The following ZMAT2 variants were observed in gnomAD, a reference collection of about 807,000 sequenced individuals.
ZMAT2 encodes zinc finger matrin-type 2, also known as zinc finger matrin-type protein 2.
A neutral mutation model predicts 27.5 loss-of-function variants in ZMAT2; 5 were observed. The observed-to-expected ratio is 0.18, with a 90% CI of 0.10 to 0.38. ZMAT2 has a LOEUF of 0.38. Among genes scored for constraint, ZMAT2 ranks in the 10% least tolerant of loss-of-function variants. The pLI, the probability that ZMAT2 is intolerant of heterozygous loss-of-function variation, is 1.00. For missense variants in ZMAT2, 124 were observed against 243.9 expected (o/e 0.51, Z 3.27); for synonymous variants, 76 against 78.6 (o/e 0.97, Z 0.17).
intron 4 of ZMAT2, 102 bp downstream of exon 4, chr5:140,704,093 G>A (rs1264720018): frequency 5.4e-6 from 6 of 1,103,040 alleles, no homozygotes; most frequent in African/African-American, 1.6e-5. Flanking sequence ...CTCATCAAAA[G>A]ATGGCTGGAG....
chr5:140,704,279 TG>T, intron 4 of ZMAT2, 146 bp from the exon 5 acceptor site: 1 of 1,140,714 alleles, frequency 8.8e-7, no homozygotes, highest in Non-Finnish European at 1.2e-6. Context: ...GTGCTGCTCC[TG>T]GACCCAGCTG....
intron 5 of ZMAT2, among the ~76,000 whole-genome samples, chr5:140,705,298 A>T (rs1760036160): frequency 6.6e-6 from 1 of 150,732 alleles, no homozygotes; most frequent in African/African-American, 2.4e-5. Flanking sequence ...CCCCCACAAC[A>T]TGCATAGCCT....
At position 140,704,412 on chromosome 5, in the gene ZMAT2, T is replaced by C. The variant is rs942848441; in HGVS notation, c.311-14T>C. 1 of 1,605,702 alleles carries C rather than the reference T, an allele frequency of 6.2e-7. No homozygotes were observed. Among genetic ancestry groups the C allele is most frequent in the African/African-American group, 1.3e-5 (1 of 74,520 alleles). ...TGTAATGAACTTGCCTTCTTCACTG[T>C]TGACCCTATGCAGATCAGAGAAACC... On this transcript the variant is annotated splice_polypyrimidine_tract_variant and intron_variant, in intron 4 of 5. Transcript: ENST00000274712.
At position 140,705,881 on chromosome 5, in the gene ZMAT2, T is replaced by G; in HGVS notation, c.*125T>G. 1.5e-6 allele frequency: 2 copies of G among 1,296,898 alleles called. No homozygotes were observed. Among genetic ancestry groups the G allele is most frequent in the Middle Eastern group, 2.8e-4 (1 of 3,562 alleles). The allele number at this position is 1,296,898 out of a possible 1,614,324, so 80.3% of individuals were successfully genotyped here. Reference sequence around the variant, plus strand: ...TCTTAAGAGTGTCAATGGGGAGGGATAGAGGGTGGGGGCTCATGGTTTCCC... The same window carrying G: ...TCTTAAGAGTGTCAATGGGGAGGGAGAGAGGGTGGGGGCTCATGGTTTCCC... On this transcript the variant is annotated 3_prime_UTR_variant, in exon 6 of 6. Transcript: ENST00000274712.
At position 140,705,765 on chromosome 5, in the gene ZMAT2, G is replaced by T; in HGVS notation, c.*9G>T. ...CCAAGAAGAGTTACTGAGGCTTTCTGTGCTTGGCCTGACTTTGGCCTATGC... is the reference window on the plus strand; with the variant it reads ...CCAAGAAGAGTTACTGAGGCTTTCTTTGCTTGGCCTGACTTTGGCCTATGC... On this transcript the variant is annotated 3_prime_UTR_variant, in exon 6 of 6. Coordinates refer to ENST00000274712, the MANE Select transcript of ZMAT2 (RefSeq NM_144723.3). The T allele has an allele frequency of 6.2e-7, 1 of 1,613,216 alleles. No homozygotes were observed. Among genetic ancestry groups the T allele is most frequent in the Non-Finnish European group, 8.5e-7 (1 of 1,179,696 alleles).
chr5:140,705,771 G>T lies in ZMAT2; in HGVS notation c.*15G>T. On this transcript the variant is annotated 3_prime_UTR_variant, in exon 6 of 6. Coordinates refer to ENST00000274712, the MANE Select transcript of ZMAT2 (RefSeq NM_144723.3). Reference sequence around the variant, plus strand: ...AGAGTTACTGAGGCTTTCTGTGCTTGGCCTGACTTTGGCCTATGCTGGACC... The same window carrying T: ...AGAGTTACTGAGGCTTTCTGTGCTTTGCCTGACTTTGGCCTATGCTGGACC... 6.2e-7 allele frequency: 1 copy of T among 1,612,748 alleles called. No homozygotes were observed. Among genetic ancestry groups the T allele is most frequent in the Non-Finnish European group, 8.5e-7 (1 of 1,179,444 alleles).
chr5:140,704,410 T>C lies in ZMAT2; in HGVS notation c.311-16T>C. On this transcript the variant is annotated splice_polypyrimidine_tract_variant and intron_variant, in intron 4 of 5. Coordinates refer to ENST00000274712, the MANE Select transcript of ZMAT2 (RefSeq NM_144723.3). Reference sequence around the variant, plus strand: ...GTTGTAATGAACTTGCCTTCTTCACTGTTGACCCTATGCAGATCAGAGAAA... The same window carrying C: ...GTTGTAATGAACTTGCCTTCTTCACCGTTGACCCTATGCAGATCAGAGAAA... The C allele has an allele frequency of 1.2e-6, 2 of 1,604,318 alleles. No individual in the cohort carries two copies. The highest frequency in any genetic ancestry group is 1.7e-6 in the Non-Finnish European group (2 of 1,176,028).
chr5:140,705,616 GA>G lies in ZMAT2; in HGVS notation c.464del (p.Lys155ArgfsTer21). The G allele has an allele frequency of 1.2e-6, 2 of 1,612,154 alleles. No homozygotes were observed. Among genetic ancestry groups the G allele is most frequent in the Admixed American group, 1.7e-5 (1 of 59,576 alleles). On this transcript the variant is annotated frameshift_variant, in exon 6 of 6. Coordinates refer to ENST00000274712, the MANE Select transcript of ZMAT2 (RefSeq NM_144723.3). LOFTEE classifies it high-confidence loss of function. ...ERMKELREEE[E>X]KAKAYKKEKQ... is the part of the protein sequence containing the mutation. Reference sequence around the variant, plus strand: ...TCTGAGTGATTTTTCCCTCCAGGAGGAAAAGGCCAAAGCGTACAAGAAAGAG... The same window carrying G: ...TCTGAGTGATTTTTCCCTCCAGGAGGAAAGGCCAAAGCGTACAAGAAAGAG...
chr5:140,705,091 C>T (rs947949151), intron 5 of ZMAT2, among the ~76,000 whole-genome samples: 1 of 152,092 alleles, frequency 6.6e-6, no homozygotes, highest in Non-Finnish European at 1.5e-5. Context: ...TGTATGGATA[C>T]TTGAAGTACA....
At chr5:140,702,860 A>C (rs1256075908) in intron 3 of ZMAT2, among the ~76,000 whole-genome samples, 1 of 152,216 alleles carries the variant, frequency 6.6e-6, no homozygotes. Context: ...CTGTCCAGTT[A>C]GGTTTTCTGG....
At position 140,700,856 on chromosome 5, in the gene ZMAT2, A is replaced by G; in HGVS notation, c.56A>G (p.Asp19Gly). 6.2e-7 allele frequency: 1 copy of G among 1,614,110 alleles called. No individual in the cohort carries two copies. The change falls in exon 2 of 6, where the codon GAT becomes GGT. Residue 19 changes from aspartate (D) to glycine (G), a missense_variant. Coordinates refer to ENST00000274712, the MANE Select transcript of ZMAT2 (RefSeq NM_144723.3). ...GACTTTCGCCGAAAGTGGGACAAAG[A>G]TGAATATGAGAAACTCGCCGAGAAG... Reference protein sequence around the residue: ...NLDFRRKWDKDEYEKLAEKRL... With the variant: ...NLDFRRKWDKGEYEKLAEKRL...
intron 5 of ZMAT2, among the ~76,000 whole-genome samples, chr5:140,704,810 A>ATTT (rs1562073118): frequency 2.5e-4 from 15 of 59,752 alleles, no homozygotes; most frequent in East Asian, 9.6e-4. Flanking sequence ...TTGTAATTTA[A>ATTT]AAAAAAATTT....
In ZMAT2 at chr5:140,705,962, G is replaced by A. The variant is rs1760050685; in HGVS notation, c.*206G>A. On this transcript the variant is annotated 3_prime_UTR_variant, in exon 6 of 6. Coordinates refer to ENST00000274712, the MANE Select transcript of ZMAT2 (RefSeq NM_144723.3). Reference sequence around the variant, plus strand: ...GGTAATGCTGTGGCATATTGCTTCTGCCTCAGTGTATCACTGGAGTCACAG... The same window carrying A: ...GGTAATGCTGTGGCATATTGCTTCTACCTCAGTGTATCACTGGAGTCACAG... The A allele has an allele frequency of 3.5e-6, 2 of 576,616 alleles. No homozygotes were observed. Among genetic ancestry groups the A allele is most frequent in the African/African-American group, 1.9e-5 (1 of 54,034 alleles). 35.7% of individuals were successfully genotyped at this position (576,616 alleles called of 1,614,324 possible). A position where few individuals can be genotyped will look rare whatever the true frequency, so the allele number is the denominator to read the frequency against.
chr5:140,700,630 C>T, intron 1 of ZMAT2, 152 bp downstream of exon 1: 1 of 1,450,720 alleles, frequency 6.9e-7, no homozygotes, highest in South Asian at 1.3e-5. Context: ...TAGGCCTTGG[C>T]AGAGGGTCAG....
chr5:140,702,169 A>G (rs1759974191), intron 3 of ZMAT2, 40 bp downstream of exon 3: 4 of 1,604,770 alleles, frequency 2.5e-6, no homozygotes, highest in South Asian at 1.1e-5. Context: ...CCAAGAATGC[A>G]TCTAATAAGC....
At position 140,705,748 on chromosome 5, in the gene ZMAT2, A is replaced by G. The variant is rs1331282554; in HGVS notation, c.592A>G (p.Ser198Gly). Residue 198 changes from serine to glycine, a missense_variant, in exon 6 of 6, where the codon AGT (serine) becomes GGT (glycine). Around this residue, in one of 5 missense-constraint regions of ZMAT2, gnomAD observed 53 missense variants for 82.3 expected, o/e 0.64. Transcript: ENST00000274712. Reference protein sequence around the residue: ...GFSGFGSTKKSY With the variant: ...GFSGFGSTKKGY ...CTCTGGCTTTGGTTCCACCAAGAAGAGTTACTGAGGCTTTCTGTGCTTGGC... is the reference window on the plus strand; with the variant it reads ...CTCTGGCTTTGGTTCCACCAAGAAGGGTTACTGAGGCTTTCTGTGCTTGGC... The G allele has an allele frequency of 6.2e-7, 1 of 1,613,498 alleles. No individual in the cohort carries two copies. The highest frequency in any genetic ancestry group is 1.3e-5 in the African/African-American group (1 of 74,800).
At position 140,705,997 on chromosome 5, in the gene ZMAT2, C is replaced by T; in HGVS notation, c.*241C>T. On this transcript the variant is annotated 3_prime_UTR_variant, in exon 6 of 6. Coordinates refer to ENST00000274712, the MANE Select transcript of ZMAT2 (RefSeq NM_144723.3). ...ATCACTGGAGTCACAGGACCCTGCC[C>T]ACCTGAGTTCCCAATAAAGAAAAAC... 1 of 432,032 alleles carries T rather than the reference C, an allele frequency of 2.3e-6. No homozygotes were observed. The highest frequency in any genetic ancestry group is 4.0e-6 in the Non-Finnish European group (1 of 252,040). The allele number at this position is 432,032 out of a possible 1,614,324, so 26.8% of individuals were successfully genotyped here.
chr5:140,705,879 G>A lies in ZMAT2; in HGVS notation c.*123G>A, dbSNP rs575822301. The A allele has an allele frequency of 1.6e-5, 21 of 1,319,344 alleles. No individual in the cohort carries two copies. The East Asian group carries it at 4.5e-4, about 28-fold the overall frequency. The allele number at this position is 1,319,344 out of a possible 1,614,324, so 81.7% of individuals were successfully genotyped here. Reference sequence around the variant, plus strand: ...GTTCTTAAGAGTGTCAATGGGGAGGGATAGAGGGTGGGGGCTCATGGTTTC... The same window carrying A: ...GTTCTTAAGAGTGTCAATGGGGAGGAATAGAGGGTGGGGGCTCATGGTTTC... On this transcript the variant is annotated 3_prime_UTR_variant, in exon 6 of 6. Transcript: ENST00000274712.
intron 2 of ZMAT2, 60 bp downstream of exon 2, chr5:140,700,972 C>T (rs1043909232): frequency 9.0e-6 from 14 of 1,553,200 alleles, no homozygotes; most frequent in African/African-American, 2.7e-5. Flanking sequence ...TGATGGAGAG[C>T]GGGTGGGAGT....
Sources: allele counts gnomAD v4.1 joint callset (sites outside exome capture counted in the v4.1 genomes callset), GRCh38; gene constraint gnomAD v4.1.1; regional missense constraint gnomAD v4.1.1; transcripts MANE v1.5; gene names NCBI Gene and HGNC (gene_info 2026-07-23, HGNC 2026-07-21).